Variants in HYDIN observed in about 807,000 individuals in gnomAD.
HYDIN encodes axonemal central pair apparatus protein HYDIN.
In HYDIN, 132 loss-of-function variants were observed where a neutral mutation model predicts 403.9. The ratio of observed to expected loss-of-function variants is 0.33; its 90% CI spans 0.28 to 0.38. The LOEUF (loss-of-function observed/expected upper bound fraction) is 0.38, where lower values mean the gene tolerates loss of function less well. Ranked by LOEUF, HYDIN falls within the 10% of genes least tolerant of loss-of-function variation. The pLI, the probability that HYDIN is intolerant of heterozygous loss-of-function variation, is 1.00. For synonymous variants in HYDIN, 1,202 were observed against 1,891.7 expected (o/e 0.64, Z 9.46); for missense variants, 2,827 against 5,009.5 (o/e 0.56, Z 13.15).
At chr16:70,924,141 CA>C (rs1203579099) in intron 45 of HYDIN, among the ~76,000 whole-genome samples, 1 of 112,072 alleles carries the variant, frequency 8.9e-6, no homozygotes, top group Non-Finnish European at 1.8e-5. Context: ...CATGAATGAC[CA>C]AATTAACTCG....
At chr16:71,212,681 G>A (rs2088660058) in intron 1 of HYDIN, among the ~76,000 whole-genome samples, 1 of 152,102 alleles carries the variant, frequency 6.6e-6, no homozygotes. Flanking sequence ...GACAAAAAAA[G>A]TAAACAAGTT....
At chr16:71,046,690 A>G (rs575093762) in intron 18 of HYDIN, among the ~76,000 whole-genome samples, 5 of 152,368 alleles carry the variant, frequency 3.3e-5, no homozygotes, top group African/African-American at 1.2e-4. Flanking sequence ...TTCCTTGATA[A>G]ACATCATATA....
At chr16:70,992,535 G>T (rs1413941116) in intron 23 of HYDIN, among the ~76,000 whole-genome samples, 1 of 147,864 alleles carries the variant, frequency 6.8e-6, no homozygotes, top group Non-Finnish European at 1.5e-5. Flanking sequence ...ATCCAATATG[G>T]TGTCTAATCC....
At chr16:71,035,806 C>G (rs1443745614) in intron 18 of HYDIN, among the ~76,000 whole-genome samples, 1 of 152,118 alleles carries the variant, frequency 6.6e-6, no homozygotes, top group African/African-American at 2.4e-5. Flanking sequence ...CGGATTCTGA[C>G]ATATTTAACT....
chr16:71,059,420 A>T (rs2082008733), intron 18 of HYDIN, among the ~76,000 whole-genome samples: 1 of 152,180 alleles, frequency 6.6e-6, no homozygotes. Context: ...TGCTTTTGTC[A>T]ACTTTGTAAA....
At chr16:71,098,277 C>A (rs11075856) in intron 10 of HYDIN, among the ~76,000 whole-genome samples, 218 of 150,778 alleles carry the variant, frequency 1.4e-3, no homozygotes, top group African/African-American at 5.1e-3. Flanking sequence ...TCTCGGCTCA[C>A]TGCAAGCTCC....
intron 10 of HYDIN, among the ~76,000 whole-genome samples, chr16:71,110,333 GTT>G (rs369882009): frequency 0.056 from 7,594 of 136,112 alleles, 548 homozygotes; most frequent in East Asian, 0.16. Context: ...ATCTAAATAA[GTT>G]ATATATTTAT....
chr16:70,811,878 C>A (rs1297899273), intron 84 of HYDIN, among the ~76,000 whole-genome samples: 12 of 128,998 alleles, frequency 9.3e-5, no homozygotes, highest in African/African-American at 2.9e-4. Flanking sequence ...AAAAATCAGA[C>A]CCAAGAACAT....
chr16:70,899,047 A>T (rs1288557633), intron 53 of HYDIN, among the ~76,000 whole-genome samples: 1 of 151,472 alleles, frequency 6.6e-6, no homozygotes, highest in Non-Finnish European at 1.5e-5. Flanking sequence ...ATGGGATTAC[A>T]GGCGTTAGCC....
Position 70,811,379 on chromosome 16 carries a change from G to C in HYDIN, c.14659-1372C>G, listed in dbSNP as rs1324843519. 6 of 153,806 alleles carry C rather than the reference G, an allele frequency of 3.9e-5. No homozygotes were observed. In the Admixed American group the frequency reaches 3.9e-4, roughly 10 times the overall value. The allele number at this position is 153,806 out of a possible 1,614,324, so 9.5% of individuals were successfully genotyped here. On this transcript the variant is annotated intron_variant, in intron 84 of 85. Transcript: ENST00000393567. The stretch of plus-strand genomic sequence containing the variant: ...TTGATTGTAGGAGTTTAAGGCTGCA[G>C]GGAGCTATGATCATACCACTGCACT...
chr16:71,058,808 T>C (rs2081987365), intron 18 of HYDIN, among the ~76,000 whole-genome samples: 1 of 151,804 alleles, frequency 6.6e-6, no homozygotes, highest in African/African-American at 2.4e-5. Flanking sequence ...TGGATTTTCT[T>C]CCACCTCTGC....
intron 83 of HYDIN, among the ~76,000 whole-genome samples, chr16:70,826,330 T>G (rs1435717711): frequency 1.3e-5 from 2 of 150,728 alleles, no homozygotes; most frequent in African/African-American, 4.9e-5. Flanking sequence ...ATCTCCATTA[T>G]AAAGTCCATC....
rs556900900 is a variant in HYDIN at position 71,115,493 on chromosome 16, A to C, written c.1327+203T>G. Among the ~76,000 whole-genome samples the C allele has an allele frequency of 2.0e-5, 3 of 152,298 alleles. No homozygotes were observed. The East Asian group carries it at 5.8e-4, about 29-fold the overall frequency. On this transcript the variant is annotated intron_variant, in intron 10 of 85. Coordinates refer to ENST00000393567, the MANE Select transcript of HYDIN (RefSeq NM_001270974.2). ...CCACATGCCACCATAATTGTAAAGC[A>C]CTTTAAAGTTTGATCTGTTATAGGA...
intron 3 of HYDIN, among the ~76,000 whole-genome samples, chr16:71,182,242 T>C (rs1237036533): frequency 2.0e-5 from 3 of 152,078 alleles, no homozygotes; most frequent in Non-Finnish European, 4.4e-5. Context: ...TTTTATTATA[T>C]GAGTAATGGG....
chr16:71,126,534 T>G (rs887894247), intron 9 of HYDIN, among the ~76,000 whole-genome samples: 2 of 152,178 alleles, frequency 1.3e-5, no homozygotes, highest in Admixed American at 6.5e-5. Flanking sequence ...TAATCTTAGA[T>G]GTACTGGTAA....
At chr16:71,227,348 C>G (rs1359077366) in intron 1 of HYDIN, among the ~76,000 whole-genome samples, 1 of 151,944 alleles carries the variant, frequency 6.6e-6, no homozygotes, top group Non-Finnish European at 1.5e-5. Flanking sequence ...AAAGTGTATT[C>G]AACTAGAAAA....
intron 45 of HYDIN, among the ~76,000 whole-genome samples, chr16:70,922,432 A>G (rs1031601611): frequency 2.0e-5 from 3 of 152,240 alleles, no homozygotes; most frequent in African/African-American, 7.2e-5. Flanking sequence ...ACTTGGGCAA[A>G]TAGATGCAGA....
chr16:71,229,316 A>C (rs78418793), intron 1 of HYDIN, among the ~76,000 whole-genome samples: 41 of 152,330 alleles, frequency 2.7e-4, no homozygotes, highest in Admixed American at 1.6e-3. Context: ...AAAAATATAT[A>C]CATATAAAAA....
intron 22 of HYDIN, among the ~76,000 whole-genome samples, chr16:71,019,576 C>T (rs796715707): frequency 9.2e-5 from 14 of 152,384 alleles, no homozygotes; most frequent in African/African-American, 2.6e-4. Flanking sequence ...CACTCGGTAT[C>T]GCCATGCTTG....
Sources: allele counts gnomAD v4.1 joint callset (sites outside exome capture counted in the v4.1 genomes callset), GRCh38; gene constraint gnomAD v4.1.1; transcripts MANE v1.5; gene names NCBI Gene and HGNC (gene_info 2026-07-23, HGNC 2026-07-21).